SLAMF1: variants seen among roughly 807,000 people sequenced by gnomAD.
SLAMF1 encodes signaling lymphocytic activation molecule family member 1.
Under a neutral mutation model 35.1 loss-of-function variants are expected in SLAMF1, and 18 were observed. That is an observed-to-expected ratio of 0.51 (90% confidence interval 0.35 to 0.76). The LOEUF (loss-of-function observed/expected upper bound fraction) is 0.76, where lower values mean the gene tolerates loss of function less well. Ranked by LOEUF, SLAMF1 falls within the 30% of genes least tolerant of loss-of-function variation. SLAMF1 has a pLI of 0.01. For missense variants in SLAMF1, 392 were observed against 413.0 expected, an observed-to-expected ratio of 0.95 and a Z score of 0.44; for synonymous variants, 168 against 157.2, an observed-to-expected ratio of 1.07 and a Z score of -0.51.
At position 160,637,380 on chromosome 1, in the gene SLAMF1, T is replaced by C; in HGVS notation, c.226A>G (p.Asn76Asp). ...MAKSLENSVENKIVSLDPSEA... is the reference protein window; with the variant it reads ...MAKSLENSVEDKIVSLDPSEA... ...GATGGATCAAGAGACACTATTTTGTTCTCGACACTGTTCTCCAGTGATTTT... is the reference window on the plus strand; with the variant it reads ...GATGGATCAAGAGACACTATTTTGTCCTCGACACTGTTCTCCAGTGATTTT... The change falls in exon 2 of 7, where the codon AAC becomes GAC. Residue 76 changes from asparagine (N) to aspartate (D), a missense_variant. Transcript: ENST00000302035. 1 of 1,614,130 alleles carries C rather than the reference T, an allele frequency of 6.2e-7. No homozygotes were observed.
At chr1:160,640,141 C>A (rs1167139411) in intron 1 of SLAMF1, among the ~76,000 whole-genome samples, 1 of 151,358 alleles carries the variant, frequency 6.6e-6, no homozygotes, top group Non-Finnish European at 1.5e-5. Context: ...TTTGTCTCTC[C>A]CACTAGAATG....
chr1:160,645,790 C>T (rs1024556858), intron 1 of SLAMF1, among the ~76,000 whole-genome samples: 1 of 152,170 alleles, frequency 6.6e-6, no homozygotes, highest in African/African-American at 2.4e-5. Context: ...AAGCCCTGTT[C>T]GTCTGGCTGT....
chr1:160,644,017 C>CA (rs368320606), intron 1 of SLAMF1, among the ~76,000 whole-genome samples: 169 of 150,992 alleles, frequency 1.1e-3, no homozygotes, highest in African/African-American at 3.8e-3. Context: ...AACTAGTTAA[C>CA]AAAAAAAAAT....
intron 1 of SLAMF1, among the ~76,000 whole-genome samples, chr1:160,644,628 T>A (rs1382289237): frequency 4.6e-5 from 7 of 152,232 alleles, no homozygotes; most frequent in Non-Finnish European, 1.0e-4. Flanking sequence ...ACATCATGTG[T>A]CCTTAATAGT....
chr1:160,611,442 C>T (rs1341228116), intron 6 of SLAMF1, among the ~76,000 whole-genome samples: 2 of 151,964 alleles, frequency 1.3e-5, no homozygotes, highest in Admixed American at 1.3e-4. Flanking sequence ...GAGAATGGAC[C>T]TCAAGTTGAA....
Position 160,637,395 on chromosome 1 carries a change from C to T in SLAMF1, c.211G>A (p.Glu71Lys), listed in dbSNP as rs1452719322. The T allele has an allele frequency of 6.2e-7, 1 of 1,613,932 alleles. No individual in the cohort carries two copies. The highest frequency in any genetic ancestry group is 8.5e-7 in the Non-Finnish European group (1 of 1,179,956). The change falls in exon 2 of 7, where the codon GAG becomes AAG. Residue 71 changes from glutamate (E) to lysine (K), a missense_variant. Physicochemically the swap from Glu to Lys is moderately conservative, Grantham distance 56. Transcript: ENST00000302035. ...HIVVTMAKSLENSVENKIVSL... is the reference protein window; with the variant it reads ...HIVVTMAKSLKNSVENKIVSL... ...ACTATTTTGTTCTCGACACTGTTCT[C>T]CAGTGATTTTGCCATTGTGACGACA...
At chr1:160,611,689 A>C (rs1448055952) in intron 6 of SLAMF1, among the ~76,000 whole-genome samples, 1 of 152,206 alleles carries the variant, frequency 6.6e-6, no homozygotes, top group Non-Finnish European at 1.5e-5. Flanking sequence ...GTCCCTGCTG[A>C]TCTTGCAATA....
chr1:160,624,182 G>T lies in SLAMF1; in HGVS notation c.704C>A (p.Thr235Lys). 1 of 1,601,112 alleles carries T rather than the reference G, an allele frequency of 6.2e-7. No homozygotes were observed. The highest frequency in any genetic ancestry group is 1.4e-5 in the African/African-American group (1 of 74,072). Residue 235 changes from threonine (T) to lysine (K), a missense_variant, in exon 4 of 7, where the codon ACA (threonine) becomes AAA (lysine). Thr to Lys is a moderately conservative substitution (Grantham distance 78). Coordinates refer to ENST00000302035, the MANE Select transcript of SLAMF1 (RefSeq NM_003037.5). Reference protein sequence around the residue: ...WPGCRTDPSETKPWAVYAGLL... With the variant: ...WPGCRTDPSEKKPWAVYAGLL... ...CCCAGCATACACTGCCCATGGTTTT[G>T]TTTCTGGAAAAAAAAAGAAGTCAAA...
In SLAMF1 at chr1:160,642,973, C is replaced by G. The variant is rs560980316; in HGVS notation, c.76+3897G>C. Among the ~76,000 whole-genome samples, 105 of 152,234 alleles carry G rather than the reference C, an allele frequency of 6.9e-4. 1 individual carries two copies. Among genetic ancestry groups the G allele is most frequent in the African/African-American group, 2.2e-3 (93 of 41,526 alleles). ...TTTTATTAACTTTATCCCAAATGTG[C>G]ACATGAGATATACTGGATTAGAGTT... On this transcript the variant is annotated intron_variant, in intron 1 of 6. Transcript: ENST00000302035. This position sits in a 1 kb window ranked among gnomAD's most constrained non-coding sequence, Gnocchi z 4.2.
At chr1:160,615,883 C>T (rs1659274805) in intron 5 of SLAMF1, 1 of 168,954 alleles carries the variant, frequency 5.9e-6, no homozygotes, top group Non-Finnish European at 1.3e-5. Context: ...CCTGGAGCCA[C>T]CAGATGCTGG....
Position 160,615,215 on chromosome 1 carries a change from A to G in SLAMF1, c.865-2635T>C, listed in dbSNP as rs868123228. The stretch of plus-strand genomic sequence containing the variant: ...AAATTGTGAAAATGTGGGTAAGTCT[A>G]AGTATATATTTATATATATAAAACA... On this transcript the variant is annotated intron_variant, in intron 5 of 6. Coordinates refer to ENST00000302035, the MANE Select transcript of SLAMF1 (RefSeq NM_003037.5). Among the ~76,000 whole-genome samples the G allele has an allele frequency of 1.9e-3, 285 of 150,982 alleles. 2 individuals carry two copies. Among genetic ancestry groups the G allele is most frequent in the African/African-American group, 6.6e-3 (271 of 40,930 alleles).
chr1:160,617,122 C>A (rs535681422), intron 5 of SLAMF1, among the ~76,000 whole-genome samples: 2 of 151,254 alleles, frequency 1.3e-5, no homozygotes, highest in South Asian at 4.2e-4. Flanking sequence ...CGCCACTGCA[C>A]CCCAGCCTAG....
At chr1:160,643,463 T>C (rs1660866465) in intron 1 of SLAMF1, among the ~76,000 whole-genome samples, 1 of 152,216 alleles carries the variant, frequency 6.6e-6, no homozygotes, top group South Asian at 2.1e-4. Flanking sequence ...AAAAATTTTA[T>C]TATTCGTTTG....
At chr1:160,636,332 CT>C (rs1476975232) in intron 2 of SLAMF1, among the ~76,000 whole-genome samples, 1 of 152,160 alleles carries the variant, frequency 6.6e-6, no homozygotes, top group Non-Finnish European at 1.5e-5. Context: ...GAGAGTATTG[CT>C]GCCTTCCCTC....
intron 3 of SLAMF1, chr1:160,634,373 C>T: frequency 1.0e-6 from 1 of 983,898 alleles, no homozygotes; most frequent in African/African-American, 1.7e-5. Flanking sequence ...GACTTAGGCT[C>T]TGGGTCTGTC....
In SLAMF1 at chr1:160,644,751, A is replaced by G. The variant is rs1268266490; in HGVS notation, c.76+2119T>C. On this transcript the variant is annotated intron_variant, in intron 1 of 6. Transcript: ENST00000302035. The stretch of plus-strand genomic sequence containing the variant: ...GAAAGTGACAGCATCACATCACAGT[A>G]TTAATATTTTTGAGAAATAGAAGTG... 2.6e-5 allele frequency among the ~76,000 whole-genome samples: 4 copies of G among 152,198 alleles called. No individual in the cohort carries two copies. The East Asian group carries it at 7.7e-4, about 29-fold the overall frequency.
In SLAMF1 at chr1:160,610,234, T is replaced by A. The variant is rs1416026823; in HGVS notation, c.*514A>T. On this transcript the variant is annotated 3_prime_UTR_variant, in exon 7 of 7. Coordinates refer to ENST00000302035, the MANE Select transcript of SLAMF1 (RefSeq NM_003037.5). ...AAGAAATTCACCCTTCAGCCTCTAT[T>A]CACTCTTTATCCTGAGAGAGAAACT... is the stretch of plus-strand genomic sequence containing the variant. 2.2e-6 allele frequency: 1 copy of A among 454,260 alleles called. No individual in the cohort carries two copies. Among genetic ancestry groups the A allele is most frequent in the Non-Finnish European group, 4.4e-6 (1 of 226,174 alleles). The allele number at this position is 454,260 out of a possible 1,614,324, so 28.1% of individuals were successfully genotyped here.
chr1:160,630,909 CA>C (rs1170913345), intron 3 of SLAMF1, among the ~76,000 whole-genome samples: 1 of 152,058 alleles, frequency 6.6e-6, no homozygotes, highest in African/African-American at 2.4e-5. Flanking sequence ...TTTTAAAACC[CA>C]GTTTATGTCA....
intron 5 of SLAMF1, among the ~76,000 whole-genome samples, chr1:160,612,994 C>T (rs1455798042): frequency 6.6e-6 from 1 of 152,206 alleles, no homozygotes; most frequent in African/African-American, 2.4e-5. Flanking sequence ...CATTCCTACT[C>T]TTCCTCCTCC....
Sources: allele counts gnomAD v4.1 joint callset (sites outside exome capture counted in the v4.1 genomes callset), GRCh38; gene constraint gnomAD v4.1.1; non-coding constraint Gnocchi (gnomAD v3.1); transcripts MANE v1.5; gene names NCBI Gene and HGNC (gene_info 2026-07-23, HGNC 2026-07-21).